The following MIB2 variants were observed in gnomAD, a reference collection of about 807,000 sequenced individuals.
MIB2 encodes the protein MIB E3 ubiquitin protein ligase 2, also known as E3 ubiquitin-protein ligase MIB2.
MIB2 carries 78 observed loss-of-function variants against 96.6 expected under a neutral mutation model. That is an observed-to-expected ratio of 0.81 (90% CI 0.67 to 0.97). MIB2 has a LOEUF of 0.97. MIB2 is among the 50% of genes least tolerant of loss of function. MIB2 has a pLI of 0.00. For missense variants in MIB2, 1,543 were observed against 1,424.0 expected, an observed-to-expected ratio of 1.08 and a Z score of -1.35; for synonymous variants, 820 against 629.5, an observed-to-expected ratio of 1.30 and a Z score of -4.53.
In MIB2 at chr1:1,625,505, C is replaced by T. The variant is rs548681168; in HGVS notation, c.865-41C>T. The T allele has an allele frequency of 1.2e-4, 191 of 1,548,262 alleles. No homozygotes were observed. In the East Asian group the frequency reaches 3.6e-3, roughly 29 times the overall value. ...CCCCCTCAGCCCCTTCCTCCCCAAG[C>T]GTCCAGCCCGACCCAGCCACAGCTC... On this transcript the variant is annotated intron_variant, in intron 7 of 19. Transcript: ENST00000355826. The surrounding 1 kb of genome is among the most constrained non-coding windows in gnomAD (Gnocchi z 5.0).
At chr1:1,618,610 C>G (rs1643960277) in intron 2 of MIB2, 1 of 152,306 alleles carries the variant, frequency 6.6e-6, no homozygotes, top group African/African-American at 2.4e-5. Flanking sequence ...GACCCAGACC[C>G]AGCCCAGAAC....
At chr1:1,616,228 G>T (rs1643648319) in intron 1 of MIB2, 1 of 540,254 alleles carries the variant, frequency 1.9e-6, no homozygotes, top group South Asian at 8.0e-5. Context: ...CCCCTGGCCC[G>T]CCCGTTCCCC....
chr1:1,620,656 C>G (rs771555277), intron 2 of MIB2, among the ~76,000 whole-genome samples: 1 of 152,260 alleles, frequency 6.6e-6, no homozygotes, highest in Admixed American at 6.5e-5. Flanking sequence ...CATTCTGTGG[C>G]GAAGGTCCCT....
At position 1,629,435 on chromosome 1, in the gene MIB2, G is replaced by C; in HGVS notation, c.2432G>C (p.Gly811Ala). 1 of 1,509,986 alleles carries C rather than the reference G, an allele frequency of 6.6e-7. No individual in the cohort carries two copies. The highest frequency in any genetic ancestry group is 1.4e-5 in the African/African-American group (1 of 69,546). 93.5% of individuals were successfully genotyped at this position (1,509,986 alleles called of 1,614,324 possible). The change falls in exon 18 of 20, where the codon GGG becomes GCG. Residue 811 changes from glycine (G) to alanine (A), a missense_variant. By Grantham distance (60) the Gly-to-Ala change is moderately conservative (BLOSUM62 0). Coordinates refer to ENST00000355826, the MANE Select transcript of MIB2 (RefSeq NM_001170687.4). ...GCCCCGGGCCCCAGGCAAACGCTCG[G>C]GACCCCCAACACCGTGACGAACCTG... ...GAAPGPRQTL[G>A]TPNTVTNLHV...
At chr1:1,627,036 C>T in intron 10 of MIB2, 37 bp downstream of exon 10, 2 of 1,604,834 alleles carry the variant, frequency 1.2e-6, no homozygotes, top group Non-Finnish European at 1.7e-6. Flanking sequence ...GGAGGTGGGG[C>T]TGCCCCTGGC....
chr1:1,626,596 C>T lies in MIB2; in HGVS notation c.973-54C>T. On this transcript the variant is annotated intron_variant, in intron 8 of 19. Transcript: ENST00000355826. The surrounding 1 kb of genome is among the most constrained non-coding windows in gnomAD (Gnocchi z 5.3). ...GCAGGTTGCCCTCCTGTTGCATGAG[C>T]CTGGGCAGCCACACACAGCTGGGGG... The T allele has an allele frequency of 7.0e-7, 1 of 1,428,882 alleles. No individual in the cohort carries two copies. The highest frequency in any genetic ancestry group is 1.4e-5 in the African/African-American group (1 of 69,702). The allele number at this position is 1,428,882 out of a possible 1,614,324, so 88.5% of individuals were successfully genotyped here.
intron 2 of MIB2, among the ~76,000 whole-genome samples, chr1:1,620,173 G>C (rs1644122026): frequency 6.6e-6 from 1 of 152,250 alleles, no homozygotes; most frequent in Non-Finnish European, 1.5e-5. Flanking sequence ...AAGGTCCAAT[G>C]GCATATGGCC....
rs973875406 is a variant in MIB2 at position 1,625,255 on chromosome 1, T to A, written c.722-31T>A. Reference sequence around the variant, plus strand: ...TGAAGTCCCAGAGGGGAGGGGCCGCTGCCTGAGGCCTGGTCTGCCACCCTC... The same window carrying A: ...TGAAGTCCCAGAGGGGAGGGGCCGCAGCCTGAGGCCTGGTCTGCCACCCTC... On this transcript the variant is annotated intron_variant, in intron 6 of 19. Coordinates refer to ENST00000355826, the MANE Select transcript of MIB2 (RefSeq NM_001170687.4). This position sits in a 1 kb window ranked among gnomAD's most constrained non-coding sequence, Gnocchi z 5.0. The A allele has an allele frequency of 7.5e-6, 12 of 1,597,560 alleles. No homozygotes were observed. Among genetic ancestry groups the A allele is most frequent in the Admixed American group, 1.7e-5 (1 of 58,472 alleles).
In MIB2 at chr1:1,626,528, CG is replaced by C. The variant is rs1644781000; in HGVS notation, c.973-118del. 1 of 778,122 alleles carries C rather than the reference CG, an allele frequency of 1.3e-6. No individual in the cohort carries two copies. Among genetic ancestry groups the C allele is most frequent in the East Asian group, 2.7e-5 (1 of 36,618 alleles). The allele number at this position is 778,122 out of a possible 1,614,324, so 48.2% of individuals were successfully genotyped here. A position where few individuals can be genotyped will look rare whatever the true frequency, so the allele number is the denominator to read the frequency against. Reference sequence around the variant, plus strand: ...CTCTGGCAGTGCCTGGGGTCGGGGTCGGGGCCGGGGCCGAGTCAGGCCTGCC... The same window carrying C: ...CTCTGGCAGTGCCTGGGGTCGGGGTCGGGCCGGGGCCGAGTCAGGCCTGCC... On this transcript the variant is annotated intron_variant, in intron 8 of 19. Coordinates refer to ENST00000355826, the MANE Select transcript of MIB2 (RefSeq NM_001170687.4). This position sits in a 1 kb window ranked among gnomAD's most constrained non-coding sequence, Gnocchi z 5.3.
At position 1,628,551 on chromosome 1, in the gene MIB2, A is replaced by G. The variant is rs2100555778; in HGVS notation, c.2031A>G (p.Gln677=). 2 of 1,601,888 alleles carry G rather than the reference A, an allele frequency of 1.2e-6. No homozygotes were observed. Among genetic ancestry groups the G allele is most frequent in the South Asian group, 2.2e-5 (2 of 90,708 alleles). The change falls in exon 16 of 20, where the codon CAA becomes CAG. Residue 677 remains glutamine, a synonymous_variant. Transcript: ENST00000355826. ...KLQSPLHLAV[Q]QAHVGLVPLL... ...AGTCCCCGCTGCATCTCGCCGTGCA[A>G]CAGGCCCACGTGGGGCTGGTGCCGC...
rs564237420 is a variant in MIB2, at chr1:1,617,186, C to T, written c.-23+572C>T. ...TGCGTTAGCTGGAGCTACTCCATGG[C>T]CTGTGGCGTGCCACACACAGCGGCA... On this transcript the variant is annotated intron_variant, in intron 2 of 19. Transcript: ENST00000355826. 3 of 154,312 alleles carry T rather than the reference C, an allele frequency of 1.9e-5. No homozygotes were observed. In the South Asian group the frequency reaches 5.5e-4, roughly 28 times the overall value. 9.6% of individuals were successfully genotyped at this position (154,312 alleles called of 1,614,324 possible). A position where few individuals can be genotyped will look rare whatever the true frequency, so the allele number is the denominator to read the frequency against.
At chr1:1,616,130 G>A (rs1179338027) in intron 1 of MIB2, 1 of 980,062 alleles carries the variant, frequency 1.0e-6, no homozygotes, top group Non-Finnish European at 1.2e-6. Context: ...AGGTCTGGCA[G>A]CGGACAGGGC....
Position 1,616,506 on chromosome 1 carries a change from A to C in MIB2, c.-129-2A>C, listed in dbSNP as rs1264290005. The stretch of plus-strand genomic sequence containing the variant: ...CATCTTGGCATCTCCCCTCGGCCAC[A>C]GGGTTGGAAGCCCAGCGAGGCTAGA... On this transcript the variant is annotated splice_acceptor_variant, in intron 1 of 19. Transcript: ENST00000355826. LOFTEE classifies it low-confidence loss of function (5UTR_SPLICE). 1 of 1,574,760 alleles carries C rather than the reference A, an allele frequency of 6.4e-7. No homozygotes were observed. The highest frequency in any genetic ancestry group is 8.6e-7 in the Non-Finnish European group (1 of 1,161,492).
In MIB2 at chr1:1,628,707, G is replaced by A. The variant is rs1358043040; in HGVS notation, c.2187G>A (p.Leu729=). 1.3e-6 allele frequency: 2 copies of A among 1,550,972 alleles called. No homozygotes were observed. Among genetic ancestry groups the A allele is most frequent in the South Asian group, 1.2e-5 (1 of 84,804 alleles). Residue 729 remains leucine, a synonymous_variant, in exon 16 of 20, where the codon TTG becomes TTA. Coordinates refer to ENST00000355826, the MANE Select transcript of MIB2 (RefSeq NM_001170687.4). Reference sequence around the variant, plus strand: ...GGGCCGGGGGGGACCCAGGGCCCTTGCAGCTGCTGTCCAGGGTGAGGAAGT... The same window carrying A: ...GGGCCGGGGGGGACCCAGGGCCCTTACAGCTGCTGTCCAGGGTGAGGAAGT... ...ADGAGGDPGP[L]QLLSRLQASG...
rs1638298110 is a variant in MIB2, at chr1:1,629,551, C to T, written c.2548C>T (p.Arg850Cys). Residue 850 changes from arginine (R) to cysteine (C), a missense_variant, in exon 18 of 20, where the codon CGC (arginine) becomes TGC (cysteine). Transcript: ENST00000355826. ...LLVLFSPCQH[R>C]TVCEECARRM... is the part of the protein sequence containing the mutation. ...GGTGCTGTTCTCGCCGTGCCAGCAC[C>T]GCACCGTGTGTGAGGGTGAGTGGGG... 1.3e-6 allele frequency: 2 copies of T among 1,554,452 alleles called. No homozygotes were observed. Among genetic ancestry groups the T allele is most frequent in the Non-Finnish European group, 1.7e-6 (2 of 1,153,422 alleles).
At chr1:1,624,027 G>C (rs1644509115) in intron 4 of MIB2, 82 bp downstream of exon 4, 2 of 1,449,868 alleles carry the variant, frequency 1.4e-6, no homozygotes, top group Non-Finnish European at 1.9e-6. Context: ...GGAGGGTGCT[G>C]CCTCCTGACC....
At position 1,624,811 on chromosome 1, in the gene MIB2, CG is replaced by C; in HGVS notation, c.437del (p.Arg146ProfsTer9). 2 of 1,612,920 alleles carry C rather than the reference CG, an allele frequency of 1.2e-6. No individual in the cohort carries two copies. Among genetic ancestry groups the C allele is most frequent in the Non-Finnish European group, 1.7e-6 (2 of 1,179,942 alleles). On this transcript the variant is annotated frameshift_variant, in exon 5 of 20. Coordinates refer to ENST00000355826, the MANE Select transcript of MIB2 (RefSeq NM_001170687.4). LOFTEE classifies it high-confidence loss of function. ...CTCTTGCAGTGTCACACTGAGTCCCCGCCAGGGCCTCCCGAGGATCCCACTA... is the reference window on the plus strand; with the variant it reads ...CTCTTGCAGTGTCACACTGAGTCCCCCCAGGGCCTCCCGAGGATCCCACTA... ...AHSRPVTLSP[R>X]QGLPRIPLRG...
At position 1,624,775 on chromosome 1, in the gene MIB2, A is replaced by G. The variant is rs1375252524; in HGVS notation, c.420-20A>G. On this transcript the variant is annotated intron_variant, in intron 4 of 19. Coordinates refer to ENST00000355826, the MANE Select transcript of MIB2 (RefSeq NM_001170687.4). ...ATGGCGGTTTTCTTCTGAGAGCTTT[A>G]TTTGTGAACCCTCTTGCAGTGTCAC... The G allele has an allele frequency of 6.2e-7, 1 of 1,606,342 alleles. No homozygotes were observed. Among genetic ancestry groups the G allele is most frequent in the African/African-American group, 1.3e-5 (1 of 74,958 alleles).
chr1:1,615,454 G>A, upstream of MIB2: 1 of 1,513,258 alleles, frequency 6.6e-7, no homozygotes. Context: ...TGGCGGGGGC[G>A]TGGCCATGGC....
Sources: allele counts gnomAD v4.1 joint callset (sites outside exome capture counted in the v4.1 genomes callset), GRCh38; gene constraint gnomAD v4.1.1; non-coding constraint Gnocchi (gnomAD v3.1); transcripts MANE v1.5; gene names NCBI Gene and HGNC (gene_info 2026-07-23, HGNC 2026-07-21).